ANKRD31: variants seen among roughly 807,000 people sequenced by gnomAD.
ANKRD31 encodes ankyrin repeat domain 31.
Under a neutral mutation model 186.0 loss-of-function variants are expected in ANKRD31, and 147 were observed. The observed-to-expected ratio is 0.79, with a 90% CI of 0.69 to 0.91. The LOEUF (loss-of-function observed/expected upper bound fraction) is 0.91, where lower values mean the gene tolerates loss of function less well. Ranked by LOEUF, ANKRD31 falls within the 40% of genes least tolerant of loss-of-function variation. ANKRD31 has a pLI of 0.00. For synonymous variants in ANKRD31, 673 were observed against 736.4 expected (o/e 0.91, Z 1.39); for missense variants, 1,986 against 2,148.8 (o/e 0.92, Z 1.50).
chr5:75,200,650 C>T (rs914520827), intron 5 of ANKRD31, among the ~76,000 whole-genome samples: 4 of 151,432 alleles, frequency 2.6e-5, no homozygotes, highest in African/African-American at 4.8e-5. Context: ...CAGTGGCTCA[C>T]GCCTGTAATC....
In ANKRD31 at chr5:75,105,213, G is replaced by T; in HGVS notation, c.4346C>A (p.Ser1449Tyr). 1 of 1,507,458 alleles carries T rather than the reference G, an allele frequency of 6.6e-7. No homozygotes were observed. The allele number at this position is 1,507,458 out of a possible 1,614,324, so 93.4% of individuals were successfully genotyped here. Reference protein sequence around the residue: ...RDDLAKKYRVSIESFKHGALR... With the variant: ...RDDLAKKYRVYIESFKHGALR... ...GGCTCCATGCTTAAATGACTCTATG[G>T]ATACCCTATAGGAAGAAACAGAAAG... Residue 1449 changes from serine to tyrosine, a missense_variant, in exon 22 of 26, where the codon TCC (serine) becomes TAC (tyrosine). Physicochemically the swap from Ser to Tyr is moderately radical, Grantham distance 144. Coordinates refer to ENST00000506364, the MANE Select transcript of ANKRD31 (RefSeq NM_001372053.1).
At chr5:75,222,026 T>G (rs1221756587) in intron 3 of ANKRD31, among the ~76,000 whole-genome samples, 1 of 152,194 alleles carries the variant, frequency 6.6e-6, no homozygotes, top group Non-Finnish European at 1.5e-5. Flanking sequence ...CCCAAATTGT[T>G]CAAGGATCAA....
At chr5:75,136,251 T>G (rs979396863) in intron 17 of ANKRD31, among the ~76,000 whole-genome samples, 2 of 152,190 alleles carry the variant, frequency 1.3e-5, no homozygotes, top group Non-Finnish European at 2.9e-5. Flanking sequence ...AGAAAACTTT[T>G]AGAATCTACC....
In ANKRD31 at chr5:75,146,890, A is replaced by T; in HGVS notation, c.2521T>A (p.Leu841Ile). The T allele has an allele frequency of 6.5e-7, 1 of 1,536,458 alleles. No homozygotes were observed. Among genetic ancestry groups the T allele is most frequent in the African/African-American group, 1.4e-5 (1 of 73,124 alleles). The change falls in exon 14 of 26, where the codon TTA becomes ATA. Residue 841 changes from leucine (L) to isoleucine (I), a missense_variant. Leu to Ile is a conservative substitution (Grantham distance 5). Transcript: ENST00000506364. ...GGTAACTTGATTTCTTTATGTAATA[A>T]AAGCCCTGGGAAAGAAACAGCTTCA... ...QTEAVSFPGL[L>I]LHKEIKLPVV...
chr5:75,091,193 T>C, intron 23 of ANKRD31, 68 bp downstream of exon 23: 1 of 1,463,440 alleles, frequency 6.8e-7, no homozygotes. Context: ...TAAAAAATAC[T>C]TTCATCACAA....
At chr5:75,164,111 G>T (rs1447166662) in intron 11 of ANKRD31, among the ~76,000 whole-genome samples, 1 of 152,168 alleles carries the variant, frequency 6.6e-6, no homozygotes, top group African/African-American at 2.4e-5. Context: ...GATGCCAGTT[G>T]TCATACTGTG....
At chr5:75,222,222 T>C (rs888864022) in intron 3 of ANKRD31, 27 bp downstream of exon 3, 4 of 1,460,334 alleles carry the variant, frequency 2.7e-6, no homozygotes, top group African/African-American at 2.8e-5. Context: ...TTTTAATGAG[T>C]ATGTATTCAA....
rs1242921075 is a variant in ANKRD31 at position 75,068,480 on chromosome 5, T to C, written c.*39A>G. On this transcript the variant is annotated 3_prime_UTR_variant, in exon 26 of 26. Coordinates refer to ENST00000506364, the MANE Select transcript of ANKRD31 (RefSeq NM_001372053.1). ...TGAAATATAAATGTTTGTTGGTAAT[T>C]TGAACAAATATCCAATAAAATATTA... 46 of 1,431,992 alleles carry C rather than the reference T, an allele frequency of 3.2e-5. No individual in the cohort carries two copies. The highest frequency in any genetic ancestry group is 5.9e-5 in the Admixed American group (2 of 33,850). The allele number at this position is 1,431,992 out of a possible 1,614,324, so 88.7% of individuals were successfully genotyped here.
chr5:75,139,678 G>A (rs1750865363), intron 15 of ANKRD31, among the ~76,000 whole-genome samples: 1 of 152,102 alleles, frequency 6.6e-6, no homozygotes, highest in Admixed American at 6.6e-5. Context: ...CAATGATGGA[G>A]AACAGTGAAC....
intron 4 of ANKRD31, among the ~76,000 whole-genome samples, chr5:75,207,811 T>C (rs953117864): frequency 2.0e-5 from 3 of 152,066 alleles, no homozygotes; most frequent in African/African-American, 7.2e-5. Context: ...AGTCTTTTCT[T>C]TTTTTATTTC....
At chr5:75,233,588 T>C (rs1305861391) in intron 1 of ANKRD31, among the ~76,000 whole-genome samples, 2 of 152,228 alleles carry the variant, frequency 1.3e-5, no homozygotes, top group South Asian at 4.1e-4. Flanking sequence ...TATTCTAATA[T>C]GTAAACGTAA....
At chr5:75,232,139 A>G (rs1435106384) in intron 1 of ANKRD31, among the ~76,000 whole-genome samples, 1 of 152,206 alleles carries the variant, frequency 6.6e-6, no homozygotes, top group Non-Finnish European at 1.5e-5. Context: ...TATGAATTAT[A>G]CCATAGCTAT....
rs1019609430 is a variant in ANKRD31 at position 75,176,197 on chromosome 5, C to A, written c.1565-7076G>T. Reference sequence around the variant, plus strand: ...AGTGAGGCTGGGGGAGGGGCGCCTGCCATTGCTCAGGCTTGAGTAGGTTAA... The same window carrying A: ...AGTGAGGCTGGGGGAGGGGCGCCTGACATTGCTCAGGCTTGAGTAGGTTAA... On this transcript the variant is annotated intron_variant, in intron 10 of 25. Coordinates refer to ENST00000506364, the MANE Select transcript of ANKRD31 (RefSeq NM_001372053.1). Among the ~76,000 whole-genome samples, 10 of 152,176 alleles carry A rather than the reference C, an allele frequency of 6.6e-5. 1 individual carries two copies. Among genetic ancestry groups the A allele is most frequent in the Admixed American group, 2.0e-4 (3 of 15,278 alleles).
chr5:75,121,174 T>G (rs1403357748), intron 17 of ANKRD31, among the ~76,000 whole-genome samples: 2 of 144,282 alleles, frequency 1.4e-5, no homozygotes, highest in Non-Finnish European at 3.0e-5. Context: ...AGAGTGAGAC[T>G]CTATATAAAA....
At position 75,146,410 on chromosome 5, in the gene ANKRD31, A is replaced by C; in HGVS notation, c.3001T>G (p.Ser1001Ala). ...GAATTTTGCTCAGGATTGCCATTTGAGTGATCAAAAGAAGGTCCAAATATG... is the reference window on the plus strand; with the variant it reads ...GAATTTTGCTCAGGATTGCCATTTGCGTGATCAAAAGAAGGTCCAAATATG... The part of the protein sequence containing the change: ...QCIFGPSFDH[S>A]NGNPEQNSLA... The change falls in exon 14 of 26, where the codon TCA becomes GCA. Residue 1001 changes from serine (S) to alanine (A), a missense_variant. Physicochemically the swap from Ser to Ala is moderately conservative, Grantham distance 99. Transcript: ENST00000506364. 6.5e-7 allele frequency: 1 copy of C among 1,536,510 alleles called. No individual in the cohort carries two copies. Among genetic ancestry groups the C allele is most frequent in the South Asian group, 1.2e-5 (1 of 84,032 alleles).
At chr5:75,191,522 T>C (rs935718689) in intron 9 of ANKRD31, among the ~76,000 whole-genome samples, 17 of 152,222 alleles carry the variant, frequency 1.1e-4, no homozygotes, top group Admixed American at 7.2e-4. Flanking sequence ...AGTATTACTT[T>C]GAAATTTTCT....
chr5:75,095,623 C>A (rs1357510580), intron 22 of ANKRD31, among the ~76,000 whole-genome samples: 1 of 152,178 alleles, frequency 6.6e-6, no homozygotes, highest in Non-Finnish European at 1.5e-5. Flanking sequence ...GCATATGCTA[C>A]CTGCCCATCA....
chr5:75,169,310 A>T (rs1753151386), intron 10 of ANKRD31, 189 bp from the exon 11 acceptor site: 1 of 657,660 alleles, frequency 1.5e-6, no homozygotes, highest in Non-Finnish European at 2.5e-6. Flanking sequence ...AGGACAAATC[A>T]AACTCCTACC....
Position 75,235,574 on chromosome 5 carries a change from C to T in ANKRD31, c.104+1009G>A, listed in dbSNP as rs774164182. On this transcript the variant is annotated intron_variant, in intron 1 of 25. Coordinates refer to ENST00000506364, the MANE Select transcript of ANKRD31 (RefSeq NM_001372053.1). ...TTATCCAGAAGACCAAGGAAAATGA[C>T]CCCTGCATGCCAGAAGGTATAGGAC... is the stretch of plus-strand genomic sequence containing the variant. 3.6e-4 allele frequency among the ~76,000 whole-genome samples: 55 copies of T among 152,018 alleles called. 3 individuals are homozygous for T. Among genetic ancestry groups the T allele is most frequent in the Non-Finnish European group, 1.2e-4 (8 of 68,012 alleles).
Sources: allele counts gnomAD v4.1 joint callset (sites outside exome capture counted in the v4.1 genomes callset), GRCh38; gene constraint gnomAD v4.1.1; transcripts MANE v1.5; gene names NCBI Gene and HGNC (gene_info 2026-07-23, HGNC 2026-07-21).